FAM110B: variants seen among roughly 807,000 people sequenced by gnomAD.
The protein encoded by FAM110B is protein FAM110B.
Under a neutral mutation model 20.4 loss-of-function variants are expected in FAM110B, and 6 were observed. The observed-to-expected ratio is 0.29, with a 90% CI of 0.16 to 0.58. FAM110B has a LOEUF of 0.58. Among genes scored for constraint, FAM110B ranks in the 20% least tolerant of loss-of-function variants. FAM110B has a pLI of 0.90. For synonymous variants in FAM110B, 226 were observed against 214.1 expected, an observed-to-expected ratio of 1.06 and a Z score of -0.49; for missense variants, 434 against 498.2, an observed-to-expected ratio of 0.87 and a Z score of 1.23.
chr8:58,085,246 C>G (rs1220268466), intron 3 of FAM110B, among the ~76,000 whole-genome samples: 1 of 152,138 alleles, frequency 6.6e-6, no homozygotes, highest in Non-Finnish European at 1.5e-5. Flanking sequence ...GGCATGGTGG[C>G]CCACACCTAT....
chr8:58,140,815 G>T (rs1039018845), intron 3 of FAM110B, among the ~76,000 whole-genome samples: 1 of 152,176 alleles, frequency 6.6e-6, no homozygotes, highest in African/African-American at 2.4e-5. Context: ...ATTGGAGTTT[G>T]TCTCCTCCTT....
chr8:58,001,175 A>T (rs960759105), intron 1 of FAM110B, among the ~76,000 whole-genome samples: 1 of 152,154 alleles, frequency 6.6e-6, no homozygotes, highest in Non-Finnish European at 1.5e-5. Flanking sequence ...AGTTCTTCTT[A>T]GTGAATCTGT....
At chr8:58,092,409 C>T (rs996248834) in intron 3 of FAM110B, among the ~76,000 whole-genome samples, 7 of 152,234 alleles carry the variant, frequency 4.6e-5, no homozygotes, top group South Asian at 4.2e-4. Context: ...CCCTACCCCC[C>T]GACAGGCCAT....
chr8:57,997,727 C>T (rs1212557457), intron 1 of FAM110B, among the ~76,000 whole-genome samples: 1 of 152,270 alleles, frequency 6.6e-6, no homozygotes, highest in African/African-American at 2.4e-5. Flanking sequence ...TCATTCTATT[C>T]AGTACAGACA....
intron 3 of FAM110B, among the ~76,000 whole-genome samples, chr8:58,091,040 C>T (rs1487664673): frequency 1.3e-5 from 2 of 152,144 alleles, no homozygotes; most frequent in African/African-American, 4.8e-5. Context: ...CAGTGCAAGG[C>T]AGGTATAGCC....
intron 1 of FAM110B, among the ~76,000 whole-genome samples, chr8:58,006,952 G>C (rs915644116): frequency 8.9e-6 from 1 of 111,828 alleles, no homozygotes; most frequent in African/African-American, 3.2e-5. Context: ...TTGCATTTTG[G>C]TCAGCTGATA....
At chr8:58,023,312 A>T (rs956596168) in intron 1 of FAM110B, among the ~76,000 whole-genome samples, 1 of 152,140 alleles carries the variant, frequency 6.6e-6, no homozygotes, top group Non-Finnish European at 1.5e-5. Context: ...CCTTACCCCT[A>T]TGTTTTTACT....
At chr8:58,023,258 C>T (rs1050556290) in intron 1 of FAM110B, among the ~76,000 whole-genome samples, 144 of 152,128 alleles carry the variant, frequency 9.5e-4, no homozygotes, top group African/African-American at 3.2e-3. Context: ...AAAGATCAGC[C>T]TCCAGATAAG....
chr8:58,121,626 A>G lies in FAM110B; in HGVS notation c.-324-24281A>G, dbSNP rs368994504. Among the ~76,000 whole-genome samples, 23 of 152,350 alleles carry G rather than the reference A, an allele frequency of 1.5e-4. No individual in the cohort carries two copies. The East Asian group carries it at 2.5e-3, about 17-fold the overall frequency. On this transcript the variant is annotated intron_variant, in intron 3 of 3. Transcript: ENST00000519262. ...TGTAATATAGCTACACATTCTGCAT[A>G]GTATCCTTTAACCATGCCTCTTTGC...
intron 1 of FAM110B, among the ~76,000 whole-genome samples, chr8:58,007,708 G>A (rs1804439884): frequency 6.6e-6 from 1 of 152,188 alleles, no homozygotes; most frequent in Admixed American, 6.5e-5. Context: ...CCAGGAAGGG[G>A]ACCCTCATCA....
chr8:58,124,011 C>A (rs35612391), intron 3 of FAM110B, among the ~76,000 whole-genome samples: 27,237 of 152,174 alleles, frequency 0.18, 2,580 homozygotes, highest in East Asian at 0.26. Context: ...AATTTTATAT[C>A]TTTTATATCT....
Position 58,006,923 on chromosome 8 carries a change from A to ATATTTTTTTTTTTTTTT in FAM110B, c.-512+12118_-512+12119insATTTTTTTTTTTTTTTT. 4.2e-3 allele frequency among the ~76,000 whole-genome samples: 531 copies of ATATTTTTTTTTTTTTTT among 126,472 alleles called. 2 individuals carry two copies. Among genetic ancestry groups the ATATTTTTTTTTTTTTTT allele is most frequent in the Non-Finnish European group, 6.9e-3 (421 of 60,836 alleles). The allele number at this position is 126,472 out of a possible 152,430, so 83.0% of individuals were successfully genotyped here. ...TTGGTATATATATATATATATATATATTTTTCCAAAACCAGAGTTTGCATT... is the reference window on the plus strand; with the variant it reads ...TTGGTATATATATATATATATATATATATTTTTTTTTTTTTTTTTTTTCCAAAACCAGAGTTTGCATT... On this transcript the variant is annotated intron_variant, in intron 1 of 3. Transcript: ENST00000519262.
chr8:58,084,796 A>G (rs777052165), intron 3 of FAM110B, among the ~76,000 whole-genome samples: 1 of 152,040 alleles, frequency 6.6e-6, no homozygotes, highest in Non-Finnish European at 1.5e-5. Flanking sequence ...CTCTTTACCT[A>G]TTCATGGGGA....
intron 3 of FAM110B, among the ~76,000 whole-genome samples, chr8:58,109,144 T>C (rs1454659403): frequency 6.6e-6 from 1 of 152,202 alleles, no homozygotes; most frequent in Non-Finnish European, 1.5e-5. Context: ...GACTAGGAAC[T>C]CTTACGTGTC....
chr8:58,069,336 C>T (rs951404565), intron 2 of FAM110B, among the ~76,000 whole-genome samples: 4 of 152,222 alleles, frequency 2.6e-5, no homozygotes, highest in African/African-American at 4.8e-5. Flanking sequence ...AGCTCATTGG[C>T]AGTAACTCTT....
chr8:58,023,643 A>G (rs1804799617), intron 1 of FAM110B, among the ~76,000 whole-genome samples: 1 of 152,176 alleles, frequency 6.6e-6, no homozygotes, highest in African/African-American at 2.4e-5. Context: ...TAGTAGTCCC[A>G]TCTAGCTGCT....
At chr8:58,094,283 A>C (rs1806564366) in intron 3 of FAM110B, among the ~76,000 whole-genome samples, 1 of 152,108 alleles carries the variant, frequency 6.6e-6, no homozygotes. Flanking sequence ...TTCCAACACT[A>C]TGTCGAATAA....
At chr8:58,056,773 G>C (rs1805554615) in intron 2 of FAM110B, among the ~76,000 whole-genome samples, 1 of 152,124 alleles carries the variant, frequency 6.6e-6, no homozygotes, top group Non-Finnish European at 1.5e-5. Context: ...GTAGGCTTTT[G>C]GTTGTTGGTG....
chr8:58,103,461 T>A (rs1806835837), intron 3 of FAM110B, among the ~76,000 whole-genome samples: 2 of 152,162 alleles, frequency 1.3e-5, no homozygotes, highest in African/African-American at 4.8e-5. Flanking sequence ...CTGAGAATGA[T>A]GATTTCCAAT....
Sources: allele counts gnomAD v4.1 joint callset (sites outside exome capture counted in the v4.1 genomes callset), GRCh38; gene constraint gnomAD v4.1.1; transcripts MANE v1.5; gene names NCBI Gene and HGNC (gene_info 2026-07-23, HGNC 2026-07-21).